The following NLGN1 variants were observed in gnomAD, a reference collection of about 807,000 sequenced individuals.
NLGN1 encodes neuroligin 1, also known as neuroligin-1.
NLGN1 carries 12 observed loss-of-function variants against 65.5 expected under a neutral mutation model. The observed-to-expected ratio is 0.18, with a 90% CI of 0.12 to 0.30. NLGN1 has a LOEUF of 0.30. NLGN1 is among the 10% of genes least tolerant of loss of function. The pLI, the probability that NLGN1 is intolerant of heterozygous loss-of-function variation, is 1.00. For missense variants in NLGN1, 750 were observed against 1,007.1 expected (o/e 0.74, Z 3.46); for synonymous variants, 350 against 359.5 (o/e 0.97, Z 0.30).
chr3:174,154,993 T>TATAATTTATTATAA (rs1491105815), intron 4 of NLGN1, among the ~76,000 whole-genome samples: 1 of 122,472 alleles, frequency 8.2e-6, no homozygotes, highest in African/African-American at 3.5e-5. Context: ...TATTATATAT[T>TATAATTTATTATAA]ATATATATTT....
intron 3 of NLGN1, among the ~76,000 whole-genome samples, chr3:173,684,995 T>C (rs985294871): frequency 6.7e-6 from 1 of 150,062 alleles, no homozygotes; most frequent in African/African-American, 2.5e-5. Flanking sequence ...TACTGATAGA[T>C]TTTAATGTGT....
chr3:174,012,686 T>C (rs1725793735), intron 4 of NLGN1, among the ~76,000 whole-genome samples: 1 of 152,174 alleles, frequency 6.6e-6, no homozygotes, highest in South Asian at 2.1e-4. Context: ...TTCAAAGACA[T>C]TGGGGTCAAA....
chr3:173,634,269 T>C (rs896642666), intron 3 of NLGN1, among the ~76,000 whole-genome samples: 1 of 151,880 alleles, frequency 6.6e-6, no homozygotes, highest in Non-Finnish European at 1.5e-5. Flanking sequence ...GGTTTAAAAA[T>C]AAAAAAAGAA....
intron 2 of NLGN1, among the ~76,000 whole-genome samples, chr3:173,539,919 A>G (rs572004198): frequency 7.1e-6 from 1 of 141,818 alleles, no homozygotes; most frequent in Admixed American, 6.9e-5. Flanking sequence ...TATATAACAT[A>G]CGTGTGTGTG....
intron 4 of NLGN1, among the ~76,000 whole-genome samples, chr3:174,173,454 TAAATCTGTC>T (rs939178645): frequency 3.3e-5 from 5 of 152,120 alleles, no homozygotes; most frequent in African/African-American, 1.2e-4. Flanking sequence ...CTGTCTCATA[TAAATCTGTC>T]GAATTTGGAT....
intron 2 of NLGN1, among the ~76,000 whole-genome samples, chr3:173,457,447 G>A (rs956803849): frequency 3.3e-5 from 5 of 152,060 alleles, no homozygotes; most frequent in African/African-American, 1.2e-4. Flanking sequence ...GAAATTGGGG[G>A]AGAGATGCAA....
At chr3:173,926,403 A>G (rs948847858) in intron 4 of NLGN1, among the ~76,000 whole-genome samples, 2 of 152,172 alleles carry the variant, frequency 1.3e-5, no homozygotes, top group Non-Finnish European at 2.9e-5. Context: ...ACAAAAGTCA[A>G]GTATAACTCG....
chr3:174,042,588 G>T (rs1325459563), intron 4 of NLGN1, among the ~76,000 whole-genome samples: 1 of 152,116 alleles, frequency 6.6e-6, no homozygotes, highest in Non-Finnish European at 1.5e-5. Context: ...AAGGCCATTT[G>T]TGTTCTTTCC....
intron 4 of NLGN1, among the ~76,000 whole-genome samples, chr3:173,974,121 G>A (rs1436516651): frequency 1.3e-5 from 2 of 151,620 alleles, no homozygotes; most frequent in Admixed American, 6.6e-5. Context: ...TGATCAAAGA[G>A]CAATTAAAGT....
At chr3:173,850,457 T>A (rs1345715469) in intron 4 of NLGN1, among the ~76,000 whole-genome samples, 1 of 152,160 alleles carries the variant, frequency 6.6e-6, no homozygotes, top group Non-Finnish European at 1.5e-5. Flanking sequence ...AACCATACAA[T>A]TAGAAACATG....
chr3:173,994,595 G>A (rs538221210), intron 4 of NLGN1, among the ~76,000 whole-genome samples: 4 of 151,356 alleles, frequency 2.6e-5, no homozygotes, highest in East Asian at 2.0e-4. Context: ...AAGCTCATGC[G>A]TGATTCATGC....
At chr3:173,621,004 G>C (rs923653664) in intron 3 of NLGN1, among the ~76,000 whole-genome samples, 1 of 152,264 alleles carries the variant, frequency 6.6e-6, no homozygotes, top group South Asian at 2.1e-4. Flanking sequence ...CATATTGATT[G>C]AATTCAACGT....
intron 2 of NLGN1, among the ~76,000 whole-genome samples, chr3:173,545,096 T>C (rs1379602811): frequency 6.6e-6 from 1 of 152,100 alleles, no homozygotes; most frequent in African/African-American, 2.4e-5. Flanking sequence ...TTGTTTGAGA[T>C]GGAGTTTCAC....
intron 2 of NLGN1, among the ~76,000 whole-genome samples, chr3:173,522,529 C>T (rs1424119358): frequency 6.6e-6 from 1 of 152,156 alleles, no homozygotes; most frequent in Non-Finnish European, 1.5e-5. Context: ...CTCCCAGGTT[C>T]ACGCCATTCT....
chr3:174,147,284 A>G (rs1260511950), intron 4 of NLGN1, among the ~76,000 whole-genome samples: 4 of 152,144 alleles, frequency 2.6e-5, no homozygotes, highest in Admixed American at 2.0e-4. Context: ...ACCTGGAGTC[A>G]GAGCGCACGG....
chr3:173,452,238 C>T (rs1295462220), intron 2 of NLGN1, among the ~76,000 whole-genome samples: 4 of 151,940 alleles, frequency 2.6e-5, no homozygotes, highest in African/African-American at 9.7e-5. Flanking sequence ...CTCTGTTGCC[C>T]AGGCTGGAGT....
intron 4 of NLGN1, among the ~76,000 whole-genome samples, chr3:173,888,825 A>G (rs1447227849): frequency 6.6e-6 from 1 of 152,098 alleles, no homozygotes; most frequent in African/African-American, 2.4e-5. Context: ...ACCCAGTTAA[A>G]ATGAAAGCTC....
chr3:173,976,138 A>C (rs1269354576), intron 4 of NLGN1, among the ~76,000 whole-genome samples: 3 of 152,046 alleles, frequency 2.0e-5, no homozygotes, highest in African/African-American at 7.2e-5. Context: ...TACGTTATTC[A>C]ACTATGTTGC....
chr3:173,451,161 C>T (rs1721436895), intron 2 of NLGN1, among the ~76,000 whole-genome samples: 1 of 152,154 alleles, frequency 6.6e-6, no homozygotes, highest in Non-Finnish European at 1.5e-5. Context: ...TCCAGTTTTT[C>T]TGCTCTGTTT....
Sources: allele counts gnomAD v4.1 joint callset (sites outside exome capture counted in the v4.1 genomes callset), GRCh38; gene constraint gnomAD v4.1.1; transcripts MANE v1.5; gene names NCBI Gene and HGNC (gene_info 2026-07-23, HGNC 2026-07-21).